Variants in FAXC observed in about 807,000 individuals in gnomAD.
The protein encoded by FAXC is failed axon connections homolog.
Under a neutral mutation model 41.9 loss-of-function variants are expected in FAXC, and 10 were observed. The observed-to-expected ratio is 0.24, with a 90% confidence interval of 0.15 to 0.41. FAXC has a LOEUF of 0.41. Ranked by LOEUF, FAXC falls within the 10% of genes least tolerant of loss-of-function variation. FAXC has a pLI of 1.00. For missense variants in FAXC, 399 were observed against 510.9 expected (o/e 0.78, Z 2.11); for synonymous variants, 183 against 183.8 (o/e 1.00, Z 0.03).
intron 4 of FAXC, among the ~76,000 whole-genome samples, chr6:99,296,302 A>G (rs1375767510): frequency 1.3e-5 from 2 of 152,122 alleles, no homozygotes; most frequent in Non-Finnish European, 2.9e-5. Context: ...CAAAAGCAGA[A>G]CACTCAGGAC....
In FAXC at chr6:99,277,022, G is replaced by A. The variant is rs1468924723; in HGVS notation, c.*4142C>T. The A allele has an allele frequency of 1.3e-5, 2 of 152,404 alleles. No homozygotes were observed. Among genetic ancestry groups the A allele is most frequent in the East Asian group, 1.9e-4 (1 of 5,184 alleles). The allele number at this position is 152,404 out of a possible 1,614,324, so 9.4% of individuals were successfully genotyped here. On this transcript the variant is annotated 3_prime_UTR_variant, in exon 6 of 6. Coordinates refer to ENST00000389677, the MANE Select transcript of FAXC (RefSeq NM_032511.4). ...TGTGAAGCTGACGAAGTCAGACCTT[G>A]AGAGATGGGCATGACTTGGGCCAGT...
rs1237161381 is a variant in FAXC, at chr6:99,349,405, G to C, written c.-33C>G. On this transcript the variant is annotated 5_prime_UTR_variant, in exon 1 of 6. Coordinates refer to ENST00000389677, the MANE Select transcript of FAXC (RefSeq NM_032511.4). ...GGCTGGCTCCGGGCGCCCCTCCCAG[G>C]GCCCGCGCCGCCCGCATGGGAAGGG... 1.3e-6 allele frequency: 2 copies of C among 1,535,200 alleles called. No homozygotes were observed. Among genetic ancestry groups the C allele is most frequent in the Admixed American group, 4.0e-5 (2 of 50,262 alleles).
chr6:99,319,096 G>A (rs1390031311), intron 4 of FAXC, among the ~76,000 whole-genome samples: 1 of 152,152 alleles, frequency 6.6e-6, no homozygotes, highest in Non-Finnish European at 1.5e-5. Context: ...ATAAGAACAT[G>A]AGGATTAAAA....
chr6:99,302,149 A>G (rs564489509), intron 4 of FAXC, among the ~76,000 whole-genome samples: 1 of 152,348 alleles, frequency 6.6e-6, no homozygotes, highest in East Asian at 1.9e-4. Context: ...GGTTGTTAGT[A>G]CATCTCAGGT....
intron 4 of FAXC, among the ~76,000 whole-genome samples, chr6:99,293,675 TG>T (rs2128450649): frequency 1.0e-5 from 1 of 98,440 alleles, no homozygotes; most frequent in East Asian, 7.3e-4. Flanking sequence ...AGTGTGTGTG[TG>T]TGTGTGTGTG....
chr6:99,308,968 G>A (rs1485586523), intron 4 of FAXC, among the ~76,000 whole-genome samples: 1 of 152,114 alleles, frequency 6.6e-6, no homozygotes, highest in East Asian at 1.9e-4. Context: ...AATTGACAAT[G>A]TATTACAATA....
chr6:99,281,068 A>G lies in FAXC; in HGVS notation c.*96T>C. 1 of 712,952 alleles carries G rather than the reference A, an allele frequency of 1.4e-6. No individual in the cohort carries two copies. The highest frequency in any genetic ancestry group is 2.6e-6 in the Non-Finnish European group (1 of 389,114). The allele number at this position is 712,952 out of a possible 1,614,324, so 44.2% of individuals were successfully genotyped here. On this transcript the variant is annotated 3_prime_UTR_variant, in exon 6 of 6. Transcript: ENST00000389677. ...GCATGTGAAAACTCTGCCAAGCACG[A>G]AGATCTCCTCCCAGCTCGGATGGAT... is the stretch of plus-strand genomic sequence containing the variant.
intron 2 of FAXC, among the ~76,000 whole-genome samples, chr6:99,338,483 C>T (rs1773299988): frequency 6.6e-6 from 1 of 152,182 alleles, no homozygotes; most frequent in East Asian, 1.9e-4. Flanking sequence ...CTGGCAGCTG[C>T]TGCAGCCACC....
intron 3 of FAXC, among the ~76,000 whole-genome samples, chr6:99,323,948 G>A (rs1772688429): frequency 1.3e-5 from 2 of 151,932 alleles, no homozygotes; most frequent in South Asian, 2.1e-4. Flanking sequence ...CCAGTGCCAC[G>A]TTTCTGCCTT....
At chr6:99,319,241 CA>C (rs921326477) in intron 4 of FAXC, among the ~76,000 whole-genome samples, 3 of 151,612 alleles carry the variant, frequency 2.0e-5, no homozygotes, top group Admixed American at 1.3e-4. Context: ...ACTAAAAATA[CA>C]AAAAAAATTA....
chr6:99,335,318 GT>G (rs1761894908), intron 2 of FAXC, among the ~76,000 whole-genome samples: 1 of 152,188 alleles, frequency 6.6e-6, no homozygotes, highest in Non-Finnish European at 1.5e-5. Context: ...AGAAATAATA[GT>G]TTCTTTTTAT....
chr6:99,304,506 A>T (rs986846540), intron 4 of FAXC, among the ~76,000 whole-genome samples: 2 of 152,156 alleles, frequency 1.3e-5, no homozygotes, highest in African/African-American at 4.8e-5. Flanking sequence ...TCAAAGTTAA[A>T]TTGCACCTAA....
intron 4 of FAXC, among the ~76,000 whole-genome samples, chr6:99,303,398 A>G (rs1158356460): frequency 6.6e-6 from 1 of 152,216 alleles, no homozygotes; most frequent in Non-Finnish European, 1.5e-5. Context: ...AATATTTTAG[A>G]CCAAAATTAT....
At chr6:99,329,866 G>A (rs1343999862) in intron 3 of FAXC, among the ~76,000 whole-genome samples, 3 of 149,186 alleles carry the variant, frequency 2.0e-5, no homozygotes, top group Non-Finnish European at 3.0e-5. Context: ...ATGTGTGCAC[G>A]CGTGCACACA....
intron 4 of FAXC, among the ~76,000 whole-genome samples, chr6:99,299,317 T>C (rs1032848338): frequency 6.6e-6 from 1 of 152,122 alleles, no homozygotes; most frequent in Non-Finnish European, 1.5e-5. Flanking sequence ...TAGCTAAATT[T>C]CCAAACTCTA....
chr6:99,305,112 G>A (rs1424938531), intron 4 of FAXC, among the ~76,000 whole-genome samples: 1 of 152,128 alleles, frequency 6.6e-6, no homozygotes, highest in Admixed American at 6.5e-5. Flanking sequence ...AGATGAGGTT[G>A]GAGATGTGAG....
chr6:99,287,301 G>T (rs1771063444), intron 5 of FAXC, among the ~76,000 whole-genome samples: 1 of 151,996 alleles, frequency 6.6e-6, no homozygotes, highest in African/African-American at 2.4e-5. Context: ...ACTTACATTT[G>T]ATAAAAGATT....
At chr6:99,293,880 C>G (rs892084462) in intron 4 of FAXC, among the ~76,000 whole-genome samples, 2 of 152,036 alleles carry the variant, frequency 1.3e-5, no homozygotes, top group Middle Eastern at 3.2e-3. Context: ...CCCCTTTCAC[C>G]GTTCTTGAGT....
In FAXC at chr6:99,323,629, T is replaced by G; in HGVS notation, c.638A>C (p.Glu213Ala). 4.3e-6 allele frequency: 7 copies of G among 1,614,208 alleles called. No homozygotes were observed. Among genetic ancestry groups the G allele is most frequent in the Non-Finnish European group, 5.9e-6 (7 of 1,180,038 alleles). ...ACTAAGAGAGAGCATCTTCCGGGTCTCATTGAGATTGTCCACCCACTGGCA... is the reference window on the plus strand; with the variant it reads ...ACTAAGAGAGAGCATCTTCCGGGTCGCATTGAGATTGTCCACCCACTGGCA... The part of the protein sequence containing the change: ...AYCQWVDNLN[E>A]TRKMLSLSGG... Residue 213 changes from glutamate (E) to alanine (A), a missense_variant, in exon 4 of 6, where the codon GAG becomes GCG. By Grantham distance (107) the Glu-to-Ala change is moderately radical (BLOSUM62 -1). This residue lies in a region of FAXC where 239 missense variants were observed against 352.7 expected (regional missense o/e 0.68). Transcript: ENST00000389677.
Sources: allele counts gnomAD v4.1 joint callset (sites outside exome capture counted in the v4.1 genomes callset), GRCh38; gene constraint gnomAD v4.1.1; regional missense constraint gnomAD v4.1.1; transcripts MANE v1.5; gene names NCBI Gene and HGNC (gene_info 2026-07-23, HGNC 2026-07-21).